The following DGKI variants were observed in gnomAD, a reference collection of about 807,000 sequenced individuals.
DGKI encodes DAG kinase iota.
Under a neutral mutation model 147.5 loss-of-function variants are expected in DGKI, and 55 were observed. The observed-to-expected ratio is 0.37, with a 90% CI of 0.30 to 0.47. The LOEUF is 0.47. Ranked by LOEUF, DGKI falls within the 20% of genes least tolerant of loss-of-function variation. The probability of loss-of-function intolerance (pLI) is 1.00; values close to 1 mark genes in which losing one functional copy is unlikely to be tolerated. For missense variants in DGKI, 1,007 were observed against 1,323.8 expected, an observed-to-expected ratio of 0.76 and a Z score of 3.71; for synonymous variants, 469 against 477.1, an observed-to-expected ratio of 0.98 and a Z score of 0.22.
At chr7:137,823,302 A>C (rs1029952911) in intron 1 of DGKI, among the ~76,000 whole-genome samples, 2 of 152,252 alleles carry the variant, frequency 1.3e-5, no homozygotes, top group African/African-American at 2.4e-5. Context: ...GCACAGCAGC[A>C]ACAGAGATAT....
Position 137,585,342 on chromosome 7 carries a change from T to C in DGKI, c.1430A>G (p.Tyr477Cys). 6.2e-7 allele frequency: 1 copy of C among 1,614,090 alleles called. No homozygotes were observed. The highest frequency in any genetic ancestry group is 8.5e-7 in the Non-Finnish European group (1 of 1,179,980). The change falls in exon 14 of 33, where the codon TAC becomes TGC. Residue 477 changes from tyrosine (Y) to cysteine (C), a missense_variant. Transcript: ENST00000614521. ...GATCTTAGAAACAGGTTCATCAGTGTAGCCCTGAGGAATCAGAGAACATAT... is the reference window on the plus strand; with the variant it reads ...GATCTTAGAAACAGGTTCATCAGTGCAGCCCTGAGGAATCAGAGAACATAT... ...LARTLNWGGG[Y>C]TDEPVSKILC...
chr7:137,587,135 T>A lies in DGKI; in HGVS notation c.1387A>T (p.Thr463Ser), dbSNP rs1357103846. ...QPPVGVLPLG[T>S]GNDLARTLNW... Reference sequence around the variant, plus strand: ...AGAGTTCGAGCCAGGTCATTCCCAGTCCCCAGAGGAAGGACCCCCACAGGA... The same window carrying A: ...AGAGTTCGAGCCAGGTCATTCCCAGACCCCAGAGGAAGGACCCCCACAGGA... The change falls in exon 13 of 33, where the codon ACT (threonine) becomes TCT (serine). Residue 463 changes from threonine to serine, a missense_variant. Physicochemically the swap from Thr to Ser is moderately conservative, Grantham distance 58. Transcript: ENST00000614521. 1 of 1,611,524 alleles carries A rather than the reference T, an allele frequency of 6.2e-7. No individual in the cohort carries two copies. The highest frequency in any genetic ancestry group is 8.5e-7 in the Non-Finnish European group (1 of 1,179,154).
Position 137,594,563 on chromosome 7 carries a change from T to G in DGKI, c.1311+3284A>C, listed in dbSNP as rs540304972. On this transcript the variant is annotated intron_variant, in intron 12 of 32. Coordinates refer to ENST00000614521, the MANE Select transcript of DGKI (RefSeq NM_001321708.2). ...CTGATTTCTCCCTAAGCTTTGTCAC[T>G]TTACTGGCAGCATTCTGCCAGCTTC... Among the ~76,000 whole-genome samples the G allele has an allele frequency of 2.0e-3, 306 of 152,256 alleles. 2 individuals carry two copies. Among genetic ancestry groups the G allele is most frequent in the African/African-American group, 7.1e-3 (294 of 41,538 alleles).
chr7:137,416,153 C>A (rs1203959728), intron 28 of DGKI, among the ~76,000 whole-genome samples: 1 of 151,988 alleles, frequency 6.6e-6, no homozygotes, highest in Admixed American at 6.6e-5. Context: ...AATTAACTAA[C>A]TGAAAGCATT....
At chr7:137,838,933 A>G (rs539776391) in intron 1 of DGKI, among the ~76,000 whole-genome samples, 1 of 152,356 alleles carries the variant, frequency 6.6e-6, no homozygotes, top group Admixed American at 6.5e-5. Flanking sequence ...CTGTATGTAC[A>G]AAGCAGGCAT....
At chr7:137,628,024 T>C (rs1224129503) in intron 6 of DGKI, among the ~76,000 whole-genome samples, 3 of 152,228 alleles carry the variant, frequency 2.0e-5, no homozygotes, top group Non-Finnish European at 4.4e-5. Context: ...TGTGTGTTTA[T>C]ATAAAGCTAA....
chr7:137,825,180 C>T lies in DGKI; in HGVS notation c.401+21282G>A, dbSNP rs137855846. 1.8e-4 allele frequency among the ~76,000 whole-genome samples: 28 copies of T among 152,244 alleles called. No individual in the cohort carries two copies. In the East Asian group the frequency reaches 4.4e-3, roughly 24 times the overall value. On this transcript the variant is annotated intron_variant, in intron 1 of 32. Coordinates refer to ENST00000614521, the MANE Select transcript of DGKI (RefSeq NM_001321708.2). ...ACTATGAGCTATGCCTTAAGTCTTG[C>T]TTATATATTACTTTGGTTAAATAAA... is the stretch of plus-strand genomic sequence containing the variant.
chr7:137,585,241 G>T lies in DGKI; in HGVS notation c.1531C>A (p.Pro511Thr), dbSNP rs1208473105. 2 of 1,614,102 alleles carry T rather than the reference G, an allele frequency of 1.2e-6. No individual in the cohort carries two copies. The highest frequency in any genetic ancestry group is 1.7e-6 in the Non-Finnish European group (2 of 1,180,000). The change falls in exon 14 of 33, where the codon CCT (proline) becomes ACT (threonine). Residue 511 changes from proline (P) to threonine (T), a missense_variant. Physicochemically the swap from Pro to Thr is conservative, Grantham distance 38. Coordinates refer to ENST00000614521, the MANE Select transcript of DGKI (RefSeq NM_001321708.2). The part of the protein sequence containing the change: ...NLHVERNPDL[P>T]PEELEDGVCK... ...ACGCCATCTTCAAGTTCTTCTGGAGGCAAGTCGGGGTTTCTTTCCACATGG... is the reference window on the plus strand; with the variant it reads ...ACGCCATCTTCAAGTTCTTCTGGAGTCAAGTCGGGGTTTCTTTCCACATGG...
At chr7:137,440,671 T>C (rs1813464889) in intron 28 of DGKI, among the ~76,000 whole-genome samples, 1 of 152,202 alleles carries the variant, frequency 6.6e-6, no homozygotes, top group Admixed American at 6.5e-5. Context: ...GGGTGATACA[T>C]TGACTACAGA....
chr7:137,561,378 G>C (rs1818414072), intron 19 of DGKI, among the ~76,000 whole-genome samples: 1 of 152,104 alleles, frequency 6.6e-6, no homozygotes, highest in Non-Finnish European at 1.5e-5. Context: ...TGATCTCACA[G>C]AAGTAAAAAG....
intron 8 of DGKI, among the ~76,000 whole-genome samples, chr7:137,613,048 T>A (rs1820418599): frequency 6.6e-6 from 1 of 152,170 alleles, no homozygotes. Context: ...TGCTTATGAC[T>A]CCTTGCTGGG....
At chr7:137,440,553 T>C (rs1813460797) in intron 28 of DGKI, among the ~76,000 whole-genome samples, 1 of 152,216 alleles carries the variant, frequency 6.6e-6, no homozygotes, top group South Asian at 2.1e-4. Flanking sequence ...AGTTAAGAGT[T>C]TGATTGTTAG....
intron 24 of DGKI, among the ~76,000 whole-genome samples, chr7:137,467,910 G>C (rs985377965): frequency 2.6e-5 from 4 of 151,574 alleles, no homozygotes; most frequent in African/African-American, 9.7e-5. Flanking sequence ...CCTGAGCCCA[G>C]GAGTTCAAGG....
intron 28 of DGKI, among the ~76,000 whole-genome samples, chr7:137,412,510 A>G (rs1812200670): frequency 2.0e-5 from 3 of 152,116 alleles, no homozygotes; most frequent in African/African-American, 7.2e-5. Flanking sequence ...GCAGTAGGAC[A>G]CTGGGCAAAT....
At chr7:137,792,666 G>C (rs898211304) in intron 1 of DGKI, among the ~76,000 whole-genome samples, 2 of 152,210 alleles carry the variant, frequency 1.3e-5, no homozygotes, top group African/African-American at 4.8e-5. Flanking sequence ...AGGTGTTTGG[G>C]TCATGGTGCT....
At chr7:137,723,561 T>C (rs1011346932) in intron 1 of DGKI, among the ~76,000 whole-genome samples, 6 of 152,090 alleles carry the variant, frequency 3.9e-5, no homozygotes, top group Admixed American at 1.3e-4. Context: ...CCGCTTGAGA[T>C]AGCTTACTGC....
intron 1 of DGKI, among the ~76,000 whole-genome samples, chr7:137,819,545 T>G (rs1442049546): frequency 6.6e-6 from 1 of 151,976 alleles, no homozygotes; most frequent in Non-Finnish European, 1.5e-5. Flanking sequence ...CTCCTGACCT[T>G]GTGATCTGCC....
At chr7:137,447,330 A>T (rs1263336780) in intron 27 of DGKI, among the ~76,000 whole-genome samples, 3 of 152,226 alleles carry the variant, frequency 2.0e-5, no homozygotes, top group South Asian at 4.1e-4. Flanking sequence ...GGAACTCATA[A>T]TCTAGTGAAA....
At chr7:137,487,986 T>C (rs1344781335) in intron 21 of DGKI, among the ~76,000 whole-genome samples, 2 of 152,178 alleles carry the variant, frequency 1.3e-5, no homozygotes, top group Admixed American at 6.5e-5. Context: ...TAACGATGGA[T>C]TGGCAGAACA....
Sources: allele counts gnomAD v4.1 joint callset (sites outside exome capture counted in the v4.1 genomes callset), GRCh38; gene constraint gnomAD v4.1.1; transcripts MANE v1.5; gene names NCBI Gene and HGNC (gene_info 2026-07-23, HGNC 2026-07-21).